Variants in SCNN1B observed in about 807,000 individuals in gnomAD.
SCNN1B encodes the protein epithelial sodium channel subunit beta.
Under a neutral mutation model 65.3 loss-of-function variants are expected in SCNN1B, and 46 were observed. The ratio of observed to expected loss-of-function variants is 0.70; its 90% CI spans 0.56 to 0.90. The LOEUF (loss-of-function observed/expected upper bound fraction) is 0.90, where lower values mean the gene tolerates loss of function less well. SCNN1B is among the 40% of genes least tolerant of loss of function. SCNN1B has a pLI of 0.00. For synonymous variants in SCNN1B, 349 were observed against 330.6 expected, an observed-to-expected ratio of 1.06 and a Z score of -0.60; for missense variants, 751 against 830.5, an observed-to-expected ratio of 0.90 and a Z score of 1.18.
intron 7 of SCNN1B, among the ~76,000 whole-genome samples, chr16:23,375,312 C>A (rs1162174803): frequency 6.6e-6 from 1 of 152,204 alleles, no homozygotes; most frequent in Non-Finnish European, 1.5e-5. Context: ...GAGCACAGAG[C>A]CAGCCTGCCT....
intron 1 of SCNN1B, among the ~76,000 whole-genome samples, chr16:23,332,856 G>T (rs867334585): frequency 3.9e-5 from 6 of 152,176 alleles, no homozygotes; most frequent in Middle Eastern, 6.8e-3. Context: ...GGATTACGAG[G>T]TCAGGAGTTC....
At chr16:23,333,165 G>GGAAA (rs1455095148) in intron 1 of SCNN1B, among the ~76,000 whole-genome samples, 1 of 131,382 alleles carries the variant, frequency 7.6e-6, no homozygotes, top group Non-Finnish European at 1.7e-5. Context: ...AAGGAAGGAA[G>GGAAA]GAAGGAAGGA....
chr16:23,280,510 T>C (rs955030138), intron 1 of SCNN1B, among the ~76,000 whole-genome samples: 3 of 152,156 alleles, frequency 2.0e-5, no homozygotes, highest in Non-Finnish European at 2.9e-5. Context: ...TGAGCCACCA[T>C]GCCTGGCTGG....
chr16:23,319,618 A>C (rs1312742290), intron 1 of SCNN1B, among the ~76,000 whole-genome samples: 1 of 152,244 alleles, frequency 6.6e-6, no homozygotes, highest in Non-Finnish European at 1.5e-5. Context: ...TGATGGCAGC[A>C]TTGAGTGGCC....
chr16:23,365,620 A>AG (rs11399911), intron 4 of SCNN1B, among the ~76,000 whole-genome samples: 22,373 of 78,944 alleles, frequency 0.28, 2,959 homozygotes, highest in African/African-American at 0.41. Flanking sequence ...AAAGAAAGAA[A>AG]AAAGAAAGAA....
At chr16:23,376,175 G>A (rs574711871) in intron 8 of SCNN1B, among the ~76,000 whole-genome samples, 4 of 152,336 alleles carry the variant, frequency 2.6e-5, no homozygotes, top group Admixed American at 1.3e-4. Flanking sequence ...GGCTGCTGGC[G>A]AGTGTGTGCC....
intron 1 of SCNN1B, among the ~76,000 whole-genome samples, chr16:23,337,240 G>A (rs1406184364): frequency 6.6e-6 from 1 of 151,966 alleles, no homozygotes; most frequent in Non-Finnish European, 1.5e-5. Flanking sequence ...TTTTGTAGAG[G>A]TGAGGCTTTC....
chr16:23,374,929 C>T (rs751654533), intron 7 of SCNN1B, among the ~76,000 whole-genome samples: 2 of 152,154 alleles, frequency 1.3e-5, no homozygotes, highest in Non-Finnish European at 2.9e-5. Flanking sequence ...GCAGCGCTTC[C>T]TGAGCACCTG....
chr16:23,302,772 A>T (rs1961113322), intron 1 of SCNN1B, among the ~76,000 whole-genome samples: 1 of 152,170 alleles, frequency 6.6e-6, no homozygotes, highest in Non-Finnish European at 1.5e-5. Context: ...AGGTGACAAC[A>T]ATGAAACTCG....
intron 10 of SCNN1B, among the ~76,000 whole-genome samples, chr16:23,377,931 G>A (rs1962948735): frequency 6.6e-6 from 1 of 152,224 alleles, no homozygotes; most frequent in African/African-American, 2.4e-5. Context: ...GTTTCAAAGT[G>A]TGATTATGGC....
In SCNN1B at chr16:23,344,848, G is replaced by T. The variant is rs144702492; in HGVS notation, c.-8-3744G>T. On this transcript the variant is annotated intron_variant, in intron 1 of 12. Transcript: ENST00000343070. ...ATCTCTACTGAAAATACAAAAATTA[G>T]CTGGGCATGGTGGCATGCGCCTGTA... Among the ~76,000 whole-genome samples, 4 of 152,264 alleles carry T rather than the reference G, an allele frequency of 2.6e-5. No homozygotes were observed. In the East Asian group the frequency reaches 7.7e-4, roughly 29 times the overall value.
At chr16:23,352,282 C>A (rs760796668) in intron 2 of SCNN1B, among the ~76,000 whole-genome samples, 1 of 152,086 alleles carries the variant, frequency 6.6e-6, no homozygotes, top group Non-Finnish European at 1.5e-5. Context: ...GGTGGGTGGA[C>A]GGAGAGGTGG....
chr16:23,373,941 G>A (rs909797125), intron 7 of SCNN1B, among the ~76,000 whole-genome samples: 9 of 152,122 alleles, frequency 5.9e-5, no homozygotes, highest in Non-Finnish European at 1.0e-4. Flanking sequence ...CTTCCGGTGT[G>A]GTAGCCACCC....
At chr16:23,314,305 G>T (rs757996682) in intron 1 of SCNN1B, among the ~76,000 whole-genome samples, 4 of 152,144 alleles carry the variant, frequency 2.6e-5, no homozygotes, top group Non-Finnish European at 5.9e-5. Flanking sequence ...TGGGATTACA[G>T]GCGTGAACTG....
chr16:23,356,237 C>T (rs746115967), intron 4 of SCNN1B, among the ~76,000 whole-genome samples: 2 of 152,200 alleles, frequency 1.3e-5, no homozygotes, highest in African/African-American at 2.4e-5. Context: ...TCTGTTGCCT[C>T]GGTTTTCTCA....
At chr16:23,376,595 C>T (rs940513480) in intron 8 of SCNN1B, among the ~76,000 whole-genome samples, 5 of 151,776 alleles carry the variant, frequency 3.3e-5, no homozygotes, top group South Asian at 2.1e-4. Flanking sequence ...GGAGCCCTGG[C>T]GGTCTGGAGT....
intron 7 of SCNN1B, among the ~76,000 whole-genome samples, chr16:23,372,945 C>CA (rs374678974): frequency 0.019 from 2,614 of 140,138 alleles, 40 homozygotes; most frequent in Middle Eastern, 0.029. Context: ...ACTAAAAATA[C>CA]AAAAAAAAAA....
chr16:23,320,845 C>G (rs79302356), intron 1 of SCNN1B, among the ~76,000 whole-genome samples: 3,186 of 152,294 alleles, frequency 0.021, 101 homozygotes, highest in African/African-American at 0.069. Context: ...CTGCTGCAGC[C>G]TCAGGGACGG....
chr16:23,365,342 G>A (rs1378980134), intron 4 of SCNN1B, among the ~76,000 whole-genome samples: 12 of 148,016 alleles, frequency 8.1e-5, no homozygotes. Flanking sequence ...GGGAGGAAGG[G>A]AGGAAAAGAA....
Sources: allele counts gnomAD v4.1 joint callset (sites outside exome capture counted in the v4.1 genomes callset), GRCh38; gene constraint gnomAD v4.1.1; transcripts MANE v1.5; gene names NCBI Gene and HGNC (gene_info 2026-07-23, HGNC 2026-07-21).